The following POLN variants were observed in gnomAD, a reference collection of about 807,000 sequenced individuals.
The protein encoded by POLN is DNA polymerase N.
Under a neutral mutation model 113.5 loss-of-function variants are expected in POLN, and 108 were observed. The observed-to-expected ratio is 0.95, with a 90% confidence interval of 0.81 to 1.12. POLN has a LOEUF of 1.12. Among genes scored for constraint, POLN ranks in the 50% most tolerant of loss-of-function variants. The pLI, the probability that POLN is intolerant of heterozygous loss-of-function variation, is 0.00. For missense variants in POLN, 1,097 were observed against 1,077.1 expected, an observed-to-expected ratio of 1.02 and a Z score of -0.26; for synonymous variants, 386 against 391.5, an observed-to-expected ratio of 0.99 and a Z score of 0.17.
At chr4:2,214,932 T>C in intron 3 of POLN, among the ~76,000 whole-genome samples, 1 of 151,792 alleles carries the variant, frequency 6.6e-6, no homozygotes. Flanking sequence ...TATATGTATA[T>C]ACCTCAGCCA....
chr4:2,081,676 G>A lies in POLN; in HGVS notation c.2265C>T (p.Leu755=), dbSNP rs540711687. 4 of 1,614,200 alleles carry A rather than the reference G, an allele frequency of 2.5e-6. No homozygotes were observed. The highest frequency in any genetic ancestry group is 1.3e-5 in the African/African-American group (1 of 75,040). The change falls in exon 22 of 26, where the codon CTC becomes CTT. Residue 755 remains leucine, a synonymous_variant. Coordinates refer to ENST00000511885, the MANE Select transcript of POLN (RefSeq NM_181808.4). ...LPRIHAHDQQ[L]RAQAERQAVN... is the part of the protein sequence containing the mutation. Reference sequence around the variant, plus strand: ...CTGCCTGTCGCTCTGCTTGTGCCCGGAGTTGCTGGTCATGAGCGTGAATCC... The same window carrying A: ...CTGCCTGTCGCTCTGCTTGTGCCCGAAGTTGCTGGTCATGAGCGTGAATCC...
intron 16 of POLN, among the ~76,000 whole-genome samples, chr4:2,151,250 A>G (rs1332428658): frequency 6.6e-6 from 1 of 152,356 alleles, no homozygotes; most frequent in African/African-American, 2.4e-5. Flanking sequence ...ATGCAATGAA[A>G]ACTGCAATGA....
Position 2,072,231 on chromosome 4 carries a change from C to T in POLN, c.2586G>A (p.Trp862Ter), listed in dbSNP as rs150768729. The change falls in exon 26 of 26, where the codon TGG becomes TGA. Residue 862 changes from tryptophan to a stop codon, truncating the protein, a stop_gained. Transcript: ENST00000511885. LOFTEE classifies it low-confidence loss of function (END_TRUNC). ...TGCGACATGGGCCTGGCGGAGGGCC[C>T]CAGGCCTCCTGCAGTGGCACCAGGT... ...WGHLVPLQEAWGPPPGPCRTE... is the reference protein window; with the variant it reads ...WGHLVPLQEA 1.9e-5 allele frequency: 30 copies of T among 1,603,114 alleles called. No homozygotes were observed. The African/African-American group carries it at 3.9e-4, about 21-fold the overall frequency.
chr4:2,086,201 G>T (rs532815940), intron 20 of POLN, among the ~76,000 whole-genome samples: 15 of 152,364 alleles, frequency 9.8e-5, no homozygotes, highest in Non-Finnish European at 1.5e-4. Context: ...GGCCAGGCAT[G>T]TGGTGGCTCA....
intron 18 of POLN, 44 bp from the exon 19 acceptor site, chr4:2,128,271 G>A (rs564360948): frequency 1.5e-6 from 2 of 1,322,824 alleles, no homozygotes; most frequent in African/African-American, 1.5e-5. Context: ...TGCCAGCAAT[G>A]TTCCTCGTGT....
At position 2,073,049 on chromosome 4, in the gene POLN, G is replaced by A. The variant is rs200708911; in HGVS notation, c.2456-20C>T. On this transcript the variant is annotated intron_variant, in intron 24 of 25. Coordinates refer to ENST00000511885, the MANE Select transcript of POLN (RefSeq NM_181808.4). ...CGAGAGCTAGAGTGCGGAAGAGAGA[G>A]GAGGCCCTGCTGGTCTCTTGGCCTT... The A allele has an allele frequency of 1.2e-6, 2 of 1,612,100 alleles. No individual in the cohort carries two copies. Among genetic ancestry groups the A allele is most frequent in the Admixed American group, 1.7e-5 (1 of 60,004 alleles).
intron 20 of POLN, among the ~76,000 whole-genome samples, chr4:2,095,451 G>GCGCA (rs1357292380): frequency 2.6e-5 from 4 of 152,224 alleles, no homozygotes; most frequent in Admixed American, 2.0e-4. Flanking sequence ...GGGAGATGGG[G>GCGCA]TGCATGTTGA....
At chr4:2,193,374 GA>G in intron 6 of POLN, 58 bp from the exon 7 acceptor site, 1 of 1,171,464 alleles carries the variant, frequency 8.5e-7, no homozygotes, top group Non-Finnish European at 1.2e-6. Flanking sequence ...TTCGACCTTG[GA>G]AAAATATTAT....
intron 13 of POLN, among the ~76,000 whole-genome samples, chr4:2,166,952 A>G (rs1561061602): frequency 6.6e-6 from 1 of 152,146 alleles, no homozygotes; most frequent in Non-Finnish European, 1.5e-5. Context: ...CTGTATCTAT[A>G]TCTGCATATA....
At chr4:2,119,821 G>T (rs1322470912) in intron 19 of POLN, among the ~76,000 whole-genome samples, 1 of 151,960 alleles carries the variant, frequency 6.6e-6, no homozygotes, top group African/African-American at 2.4e-5. Flanking sequence ...TATAAGTCAC[G>T]AATGTTGGAT....
At chr4:2,230,372 A>G (rs1315130686) in intron 2 of POLN, 1 of 152,198 alleles carries the variant, frequency 6.6e-6, no homozygotes, top group East Asian at 1.9e-4. Flanking sequence ...ATGCTACCAT[A>G]AACCAGGAAA....
intron 16 of POLN, among the ~76,000 whole-genome samples, chr4:2,135,662 C>T (rs1462631810): frequency 3.3e-5 from 5 of 152,152 alleles, no homozygotes; most frequent in Admixed American, 1.3e-4. Flanking sequence ...AACAAGAGTC[C>T]GAACATCTGG....
chr4:2,095,196 G>A (rs186011214), intron 20 of POLN, among the ~76,000 whole-genome samples: 1 of 152,176 alleles, frequency 6.6e-6, no homozygotes, highest in Non-Finnish European at 1.5e-5. Context: ...TAGGGGGTAG[G>A]GGGAAGGAGG....
chr4:2,187,144 G>C (rs1281783273), intron 7 of POLN, among the ~76,000 whole-genome samples: 1 of 152,190 alleles, frequency 6.6e-6, no homozygotes, highest in African/African-American at 2.4e-5. Context: ...GCAAATCTAA[G>C]AATTAGTGGT....
At position 2,157,857 on chromosome 4, in the gene POLN, C is replaced by A. The variant is rs773267145; in HGVS notation, c.1665+1G>T. The A allele has an allele frequency of 1.9e-6, 3 of 1,600,962 alleles. No individual in the cohort carries two copies. Among genetic ancestry groups the A allele is most frequent in the African/African-American group, 2.7e-5 (2 of 74,466 alleles). ...CAGTATCTTTTTGTAAAGCTTGTTA[C>A]CTTTTTCATGCAAGCTAGTAATCCA... is the stretch of plus-strand genomic sequence containing the variant. On this transcript the variant is annotated splice_donor_variant, in intron 15 of 25. Coordinates refer to ENST00000511885, the MANE Select transcript of POLN (RefSeq NM_181808.4). LOFTEE classifies it high-confidence loss of function.
Position 2,240,474 on chromosome 4 carries a change from A to G in POLN, c.-13+1046T>C. 6.2e-7 allele frequency: 1 copy of G among 1,613,920 alleles called. No individual in the cohort carries two copies. The highest frequency in any genetic ancestry group is 8.5e-7 in the Non-Finnish European group (1 of 1,179,982). On this transcript the variant is annotated intron_variant, in intron 2 of 25. Transcript: ENST00000511885. ...AAGTTCATTACTGATCTTAGTGATC[A>G]TTGCATTTAGAATTCCTTGACTCTG...
chr4:2,238,836 C>G (rs1207049211), intron 2 of POLN: 4 of 1,613,212 alleles, frequency 2.5e-6, no homozygotes, highest in Admixed American at 1.7e-5. Context: ...TGATTTAAAA[C>G]TAACTCTTGT....
At chr4:2,094,014 G>A (rs897963247) in intron 20 of POLN, among the ~76,000 whole-genome samples, 3 of 152,070 alleles carry the variant, frequency 2.0e-5, no homozygotes, top group African/African-American at 7.2e-5. Context: ...AGGCCCATGT[G>A]GCAAGGAGCT....
At chr4:2,102,565 C>A (rs1218229681) in intron 19 of POLN, among the ~76,000 whole-genome samples, 2 of 152,210 alleles carry the variant, frequency 1.3e-5, no homozygotes, top group African/African-American at 4.8e-5. Context: ...CAGGACATCA[C>A]TAGTACAAAT....
Sources: allele counts gnomAD v4.1 joint callset (sites outside exome capture counted in the v4.1 genomes callset), GRCh38; gene constraint gnomAD v4.1.1; transcripts MANE v1.5; gene names NCBI Gene and HGNC (gene_info 2026-07-23, HGNC 2026-07-21).